Variants in RALGAPA1 observed in about 807,000 individuals in gnomAD.
RALGAPA1 encodes the protein Ral GTPase activating protein catalytic subunit alpha 1, also known as ral GTPase-activating protein subunit alpha-1.
Under a neutral mutation model 269.6 loss-of-function variants are expected in RALGAPA1, and 52 were observed. The observed-to-expected ratio is 0.19, with a 90% CI of 0.15 to 0.24. The LOEUF (loss-of-function observed/expected upper bound fraction) is 0.24, where lower values mean the gene tolerates loss of function less well. Ranked by LOEUF, RALGAPA1 falls within the 10% of genes least tolerant of loss-of-function variation. The probability of loss-of-function intolerance (pLI) is 1.00; values close to 1 mark genes in which losing one functional copy is unlikely to be tolerated. For missense variants in RALGAPA1, 1,917 were observed against 3,013.9 expected (o/e 0.64, Z 8.52); for synonymous variants, 817 against 1,008.3 (o/e 0.81, Z 3.60).
chr14:35,655,726 C>A, intron 29 of RALGAPA1, 81 bp downstream of exon 29: 1 of 1,511,902 alleles, frequency 6.6e-7, no homozygotes, highest in Non-Finnish European at 8.9e-7. Context: ...CTAAATGTTA[C>A]ACAAGATACC....
intron 37 of RALGAPA1, among the ~76,000 whole-genome samples, chr14:35,584,009 A>T (rs1444686328): frequency 6.6e-6 from 1 of 152,214 alleles, no homozygotes; most frequent in Admixed American, 6.5e-5. Flanking sequence ...TTGGATCTAC[A>T]TGATGAAAGG....
At chr14:35,644,472 C>T (rs2062251988) in intron 31 of RALGAPA1, among the ~76,000 whole-genome samples, 1 of 151,970 alleles carries the variant, frequency 6.6e-6, no homozygotes, top group African/African-American at 2.4e-5. Context: ...AATTATATAA[C>T]CATACTGAAG....
In RALGAPA1 at chr14:35,551,495, G is replaced by A. The variant is rs751959561; in HGVS notation, c.7497-2261C>T. Among the ~76,000 whole-genome samples, 7 of 152,218 alleles carry A rather than the reference G, an allele frequency of 4.6e-5. No homozygotes were observed. The South Asian group carries it at 6.2e-4, about 14-fold the overall frequency. ...GCTGTTTTTAAAAGTCTGCTTGAAT[G>A]GGTAAAATGCTTCATGAAAAGTAGG... On this transcript the variant is annotated intron_variant, in intron 39 of 41. Transcript: ENST00000680220.
chr14:35,619,697 A>G (rs1439989138), intron 35 of RALGAPA1, among the ~76,000 whole-genome samples: 3 of 152,234 alleles, frequency 2.0e-5, no homozygotes, highest in African/African-American at 7.2e-5. Context: ...AGTACAAACT[A>G]TCATCAGAGA....
intron 12 of RALGAPA1, among the ~76,000 whole-genome samples, chr14:35,734,959 T>C (rs1435202090): frequency 6.6e-6 from 1 of 150,876 alleles, no homozygotes; most frequent in African/African-American, 2.4e-5. Context: ...ATGCTCAAAA[T>C]CATTAATGAT....
intron 1 of RALGAPA1, among the ~76,000 whole-genome samples, chr14:35,805,314 C>T (rs533789828): frequency 2.7e-5 from 4 of 150,832 alleles, no homozygotes; most frequent in South Asian, 2.1e-4. Flanking sequence ...TGGTGGCGTG[C>T]GCCTGTAATC....
chr14:35,555,141 G>A (rs2055476454), intron 39 of RALGAPA1, among the ~76,000 whole-genome samples: 1 of 152,050 alleles, frequency 6.6e-6, no homozygotes, highest in Admixed American at 6.6e-5. Flanking sequence ...AGTAAATAAA[G>A]CACAATGTAT....
chr14:35,664,547 A>G, intron 27 of RALGAPA1, 95 bp downstream of exon 27: 6 of 1,004,598 alleles, frequency 6.0e-6, no homozygotes, highest in Non-Finnish European at 8.6e-6. Context: ...AATTGTGTGG[A>G]TTTCAAAAAG....
intron 1 of RALGAPA1, among the ~76,000 whole-genome samples, chr14:35,800,936 C>A: frequency 6.6e-6 from 1 of 151,838 alleles, no homozygotes; most frequent in African/African-American, 2.4e-5. Flanking sequence ...ACCTGGGAGG[C>A]GGAGGTTGCA....
At chr14:35,561,821 C>A (rs907306841) in intron 39 of RALGAPA1, among the ~76,000 whole-genome samples, 1 of 151,880 alleles carries the variant, frequency 6.6e-6, no homozygotes, top group Non-Finnish European at 1.5e-5. Flanking sequence ...ACAGCCACCG[C>A]GGCTGGCTGA....
intron 7 of RALGAPA1, among the ~76,000 whole-genome samples, chr14:35,753,701 G>A (rs994290712): frequency 6.6e-6 from 1 of 152,112 alleles, no homozygotes; most frequent in African/African-American, 2.4e-5. Context: ...AGGGTTGAGG[G>A]TAAGAGGACT....
intron 26 of RALGAPA1, among the ~76,000 whole-genome samples, chr14:35,666,818 A>G (rs1370596899): frequency 6.6e-6 from 1 of 152,218 alleles, no homozygotes; most frequent in South Asian, 2.1e-4. Flanking sequence ...AGAATCTTGA[A>G]AAAAGCTGCA....
At chr14:35,621,135 A>C (rs1311280630) in intron 35 of RALGAPA1, among the ~76,000 whole-genome samples, 1 of 152,170 alleles carries the variant, frequency 6.6e-6, no homozygotes, top group African/African-American at 2.4e-5. Context: ...CAGTAACCAA[A>C]ACAGCATGGT....
intron 9 of RALGAPA1, among the ~76,000 whole-genome samples, chr14:35,750,034 GC>G (rs1194451421): frequency 2.6e-5 from 4 of 152,042 alleles, no homozygotes; most frequent in African/African-American, 9.7e-5. Flanking sequence ...CTACTGTATT[GC>G]TTTGTAATTT....
rs1427408474 is a variant in RALGAPA1, at chr14:35,622,955, G to T, written c.6929+2406C>A. On this transcript the variant is annotated intron_variant, in intron 35 of 41. Transcript: ENST00000680220. Reference sequence around the variant, plus strand: ...CTCTTATACTAAAAGTACAAAATTAGCCAGGTGTGATGTGTGGTCAGAAGG... The same window carrying T: ...CTCTTATACTAAAAGTACAAAATTATCCAGGTGTGATGTGTGGTCAGAAGG... Among the ~76,000 whole-genome samples the T allele has an allele frequency of 5.9e-5, 9 of 152,106 alleles. No homozygotes were observed. In the East Asian group the frequency reaches 1.5e-3, roughly 26 times the overall value.
Position 35,655,915 on chromosome 14 carries a change from T to C in RALGAPA1, c.5388A>G (p.Arg1796=), listed in dbSNP as rs529263306. 107 of 1,612,816 alleles carry C rather than the reference T, an allele frequency of 6.6e-5. 1 individual carries two copies. The South Asian group carries it at 9.6e-4, about 14-fold the overall frequency. The change falls in exon 29 of 42, where the codon CGA becomes CGG. Residue 1796 remains arginine, a splice_region_variant and synonymous_variant. Transcript: ENST00000680220. ...SARDEPSGPA[R]CVALCSLGIW... ...TACCTAAACTACAAAGTGCTACACATCTGCAAAAAAGGCAAACAACAACGG... is the reference window on the plus strand; with the variant it reads ...TACCTAAACTACAAAGTGCTACACACCTGCAAAAAAGGCAAACAACAACGG...
At chr14:35,557,807 A>AC (rs1376881890) in intron 39 of RALGAPA1, among the ~76,000 whole-genome samples, 1 of 152,202 alleles carries the variant, frequency 6.6e-6, no homozygotes, top group Non-Finnish European at 1.5e-5. Context: ...CCCATTAAAA[A>AC]AATTTACAGA....
Position 35,775,711 on chromosome 14 carries a change from G to A in RALGAPA1, c.141C>T (p.Phe47=), listed in dbSNP as rs376651573. Residue 47 remains phenylalanine (F), a synonymous_variant, in exon 2 of 42, where the codon TTC becomes TTT. Coordinates refer to ENST00000680220, the MANE Select transcript of RALGAPA1 (RefSeq NM_001346249.2). ...NAESIDLKQF[F]DQHFSHIYYV... is the part of the protein sequence containing the mutation. ...AGTATATATGTGAAAAATGTTGGTC[G>A]AAAAACTGTTTAAGATCAATAGATT... 18 of 1,566,100 alleles carry A rather than the reference G, an allele frequency of 1.1e-5. No individual in the cohort carries two copies. In the South Asian group the frequency reaches 1.5e-4, roughly 13 times the overall value.
chr14:35,671,133 GCT>G (rs1230257478), intron 26 of RALGAPA1, among the ~76,000 whole-genome samples: 2 of 152,024 alleles, frequency 1.3e-5, no homozygotes, highest in Non-Finnish European at 2.9e-5. Context: ...ATAGCCCATT[GCT>G]CTTTCTTTGC....
Sources: allele counts gnomAD v4.1 joint callset (sites outside exome capture counted in the v4.1 genomes callset), GRCh38; gene constraint gnomAD v4.1.1; transcripts MANE v1.5; gene names NCBI Gene and HGNC (gene_info 2026-07-23, HGNC 2026-07-21).